The following TF variants were observed in gnomAD, a reference collection of about 807,000 sequenced individuals.
The protein encoded by TF is transferrin, also known as serotransferrin.
In TF, 55 loss-of-function variants were observed where a neutral mutation model predicts 82.4. The ratio of observed to expected loss-of-function variants is 0.67; its 90% CI spans 0.54 to 0.84. The LOEUF (loss-of-function observed/expected upper bound fraction) is 0.84. TF is among the 40% of genes least tolerant of loss of function. TF has a pLI of 0.00. For synonymous variants in TF, 332 were observed against 332.6 expected (o/e 1.00, Z 0.02); for missense variants, 737 against 868.4 (o/e 0.85, Z 1.90).
chr3:133,688,352 TA>T, the TF span: 1 of 152,264 alleles, frequency 6.6e-6, no homozygotes, highest in South Asian at 2.1e-4. Context: ...TTGAGTACAT[TA>T]AAGCCATCAC....
chr3:133,715,491 A>G, the TF span, among the ~76,000 whole-genome samples: 1 of 152,064 alleles, frequency 6.6e-6, no homozygotes, highest in Non-Finnish European at 1.5e-5. Flanking sequence ...CTTCTTCTCT[A>G]CTAGATCATT....
chr3:133,726,605 C>T, the TF span, among the ~76,000 whole-genome samples: 1 of 151,870 alleles, frequency 6.6e-6, no homozygotes, highest in East Asian at 1.9e-4. Context: ...TTTCAAAAAA[C>T]CAGCTCCTGG....
upstream of TF, among the ~76,000 whole-genome samples, chr3:133,742,913 T>A (rs917513735): frequency 6.6e-6 from 1 of 152,104 alleles, no homozygotes; most frequent in Non-Finnish European, 1.5e-5. Context: ...AATTTGAGAG[T>A]TTTGCCCTGT....
the TF span, among the ~76,000 whole-genome samples, chr3:133,726,450 T>C: frequency 1.5e-4 from 23 of 152,060 alleles, no homozygotes; most frequent in African/African-American, 5.6e-4. Flanking sequence ...TGCGTAGAGG[T>C]GTTTGTAGTA....
the TF span, among the ~76,000 whole-genome samples, chr3:133,730,155 C>G: frequency 6.6e-6 from 1 of 152,158 alleles, no homozygotes; most frequent in Non-Finnish European, 1.5e-5. Context: ...GTTGCCAGAG[C>G]TGAAGAACCC....
At chr3:133,668,662 C>T in the TF span, among the ~76,000 whole-genome samples, 5 of 152,144 alleles carry the variant, frequency 3.3e-5, no homozygotes, top group Admixed American at 6.5e-5. Context: ...CCACCCATAC[C>T]CCCTCACCCT....
At chr3:133,726,034 G>A in the TF span, among the ~76,000 whole-genome samples, 1 of 152,098 alleles carries the variant, frequency 6.6e-6, no homozygotes, top group East Asian at 1.9e-4. Context: ...ATAAGCTTTT[G>A]GACGTGCTGC....
the TF span, among the ~76,000 whole-genome samples, chr3:133,666,305 T>C: frequency 6.6e-6 from 1 of 152,048 alleles, no homozygotes; most frequent in Non-Finnish European, 1.5e-5. Flanking sequence ...CTTGAGTGGC[T>C]GGGACTACAG....
chr3:133,694,730 A>G, the TF span, among the ~76,000 whole-genome samples: 5 of 152,238 alleles, frequency 3.3e-5, no homozygotes, highest in East Asian at 1.9e-4. Context: ...ACCTCGCCCC[A>G]TCTCCCTCTC....
chr3:133,741,014 C>T, the TF span, among the ~76,000 whole-genome samples: 9 of 96,132 alleles, frequency 9.4e-5, no homozygotes, highest in Non-Finnish European at 1.7e-4. Flanking sequence ...TTTTTTGAGA[C>T]AGGGTCTCAC....
At chr3:133,730,058 A>T in the TF span, among the ~76,000 whole-genome samples, 1 of 152,054 alleles carries the variant, frequency 6.6e-6, no homozygotes, top group Admixed American at 6.5e-5. Context: ...CCCTACATTG[A>T]TATCAGCACA....
chr3:133,663,745 C>T, the TF span, among the ~76,000 whole-genome samples: 3 of 152,164 alleles, frequency 2.0e-5, no homozygotes, highest in Admixed American at 1.3e-4. Context: ...TGCTGTCTGC[C>T]CATCTCTGTG....
intron 9 of TF, chr3:133,760,931 G>T (rs144220106): frequency 1.3e-5 from 2 of 153,102 alleles, no homozygotes; most frequent in African/African-American, 2.4e-5. Flanking sequence ...TGCTAGTAAA[G>T]AATTATTGGA....
At chr3:133,675,109 G>A in the TF span, among the ~76,000 whole-genome samples, 1 of 151,954 alleles carries the variant, frequency 6.6e-6, no homozygotes. Flanking sequence ...GCCGGGTGTG[G>A]TGGCGGGAGA....
the TF span, chr3:133,710,077 A>G: frequency 6.6e-6 from 1 of 152,380 alleles, no homozygotes; most frequent in East Asian, 1.9e-4. Flanking sequence ...TTTCATGTTC[A>G]TCCTCATCTC....
In TF at chr3:133,781,993, A is replaced by T. The variant is rs531077953; in HGVS notation, c.*3373A>T. On this transcript the variant is annotated 3_prime_UTR_variant, in exon 17 of 17. Coordinates refer to ENST00000402696, the MANE Select transcript of TF (RefSeq NM_001063.4). ...TGATCCCAGTTAAAAATGGGCAAAA[A>T]CCTGAAAAGACATTTCTCCAAGAAG... 6.6e-6 allele frequency: 1 copy of T among 152,302 alleles called. No homozygotes were observed. Among genetic ancestry groups the T allele is most frequent in the African/African-American group, 2.4e-5 (1 of 41,580 alleles). The allele number at this position is 152,302 out of a possible 1,614,324, so 9.4% of individuals were successfully genotyped here. A position where few individuals can be genotyped will look rare whatever the true frequency, so the allele number is the denominator to read the frequency against.
At chr3:133,758,004 G>A in intron 8 of TF, 58 bp downstream of exon 8, 1 of 1,575,964 alleles carries the variant, frequency 6.3e-7, no homozygotes, top group Non-Finnish European at 8.7e-7. Flanking sequence ...GGTGAGCACA[G>A]GGGCCAGAGA....
Position 133,786,237 on chromosome 3 carries a change from A to AAAAC in TF, c.*7620_*7623dup, listed in dbSNP as rs1199950552. On this transcript the variant is annotated 3_prime_UTR_variant, in exon 17 of 17. Coordinates refer to ENST00000402696, the MANE Select transcript of TF (RefSeq NM_001063.4). ...AAAAATAAATTAAAAAAAAAAAAAA[A>AAAAC]AAACAATACTATTTTTTGAACTATC... 2.6e-5 allele frequency: 2 copies of AAAAC among 77,282 alleles called. No individual in the cohort carries two copies. Among genetic ancestry groups the AAAAC allele is most frequent in the African/African-American group, 6.9e-5 (2 of 28,824 alleles). The allele number at this position is 77,282 out of a possible 1,614,324, so 4.8% of individuals were successfully genotyped here.
At chr3:133,742,090 C>A (rs997904266), upstream of TF, among the ~76,000 whole-genome samples, 3 of 152,154 alleles carry the variant, frequency 2.0e-5, no homozygotes, top group Non-Finnish European at 4.4e-5. Flanking sequence ...CTCAAGCAAT[C>A]CTCTTACCTT....
Sources: gnomAD v4.1 joint callset for allele counts (sites outside exome capture counted in the v4.1 genomes callset) on GRCh38, gnomAD v4.1.1 for gene constraint, MANE v1.5 for transcripts, NCBI Gene and HGNC (gene_info 2026-07-23, HGNC 2026-07-21) for gene names.